The following DNAL1 variants were observed in gnomAD, a reference collection of about 807,000 sequenced individuals.
DNAL1 encodes chromosome 14 open reading frame 168.
A neutral mutation model predicts 29.4 loss-of-function variants in DNAL1; 17 were observed. The ratio of observed to expected loss-of-function variants is 0.58; its 90% confidence interval spans 0.40 to 0.87. DNAL1 has a LOEUF of 0.87. Ranked by LOEUF, DNAL1 falls within the 40% of genes least tolerant of loss-of-function variation. The pLI is 0.00. For missense variants in DNAL1, 188 were observed against 214.1 expected (o/e 0.88, Z 0.76); for synonymous variants, 78 against 76.3 (o/e 1.02, Z -0.12).
rs767561779 is a variant in DNAL1 at position 73,659,046 on chromosome 14, G to A, written c.152+90G>A. 32 of 936,598 alleles carry A rather than the reference G, an allele frequency of 3.4e-5. 1 individual carries two copies. The highest frequency in any genetic ancestry group is 4.7e-5 in the Non-Finnish European group (31 of 659,036). 58.0% of individuals were successfully genotyped at this position (936,598 alleles called of 1,614,324 possible). ...AAGTAGGAAAATATGTTTGTTTTCT[G>A]TGGTCTTCATTTATTTTTTGTTTGC... On this transcript the variant is annotated intron_variant, in intron 3 of 7. Coordinates refer to ENST00000553645, the MANE Select transcript of DNAL1 (RefSeq NM_031427.4).
chr14:73,691,384 T>C lies in DNAL1; in HGVS notation c.532+1869T>C, dbSNP rs1566892178. ...GGCCAACATGGTGAAATCCTGTCTC[T>C]AGTAAAAATACAAAATTAGCTGGAC... On this transcript the variant is annotated intron_variant, in intron 7 of 7. Coordinates refer to ENST00000553645, the MANE Select transcript of DNAL1 (RefSeq NM_031427.4). 2.6e-5 allele frequency among the ~76,000 whole-genome samples: 4 copies of C among 151,968 alleles called. No individual in the cohort carries two copies. In the South Asian group the frequency reaches 6.3e-4, roughly 24 times the overall value.
chr14:73,652,124 C>G (rs1403076593), intron 1 of DNAL1, among the ~76,000 whole-genome samples: 1 of 152,118 alleles, frequency 6.6e-6, no homozygotes, highest in Non-Finnish European at 1.5e-5. Context: ...CAGCCCTGAC[C>G]TCCCGGGCTC....
At position 73,697,402 on chromosome 14, in the gene DNAL1, A is replaced by T. The variant is rs1264222886; in HGVS notation, c.*1460A>T. ...TACATAGGAATTACTTGATTTTTCTAAGTTACTCTGATCAAAAGGGACCAC... is the reference window on the plus strand; with the variant it reads ...TACATAGGAATTACTTGATTTTTCTTAGTTACTCTGATCAAAAGGGACCAC... On this transcript the variant is annotated 3_prime_UTR_variant, in exon 8 of 8. Coordinates refer to ENST00000553645, the MANE Select transcript of DNAL1 (RefSeq NM_031427.4). 1 of 152,158 alleles carries T rather than the reference A, an allele frequency of 6.6e-6. No homozygotes were observed. Among genetic ancestry groups the T allele is most frequent in the Admixed American group, 6.5e-5 (1 of 15,268 alleles). The allele number at this position is 152,158 out of a possible 1,614,324, so 9.4% of individuals were successfully genotyped here.
At chr14:73,677,258 C>T (rs1473182178) in intron 5 of DNAL1, among the ~76,000 whole-genome samples, 1 of 152,058 alleles carries the variant, frequency 6.6e-6, no homozygotes, top group African/African-American at 2.4e-5. Flanking sequence ...GCATGAGCCA[C>T]CGCGCCCAGC....
rs1177679285 is a variant in DNAL1, at chr14:73,690,052, GA to G, written c.532+541del. Reference sequence around the variant, plus strand: ...AATTCCGTCTCAAAAAAAAAAAAAAGAAAAGAAAAGAAAGCTAGGCCTTATA... The same window carrying G: ...AATTCCGTCTCAAAAAAAAAAAAAAGAAAGAAAAGAAAGCTAGGCCTTATA... On this transcript the variant is annotated intron_variant, in intron 7 of 7. Coordinates refer to ENST00000553645, the MANE Select transcript of DNAL1 (RefSeq NM_031427.4). Among the ~76,000 whole-genome samples, 12 of 13,590 alleles carry G rather than the reference GA, an allele frequency of 8.8e-4. No homozygotes were observed. The South Asian group carries it at 0.012, about 14-fold the overall frequency. 8.9% of individuals were successfully genotyped at this position (13,590 alleles called of 152,430 possible). A position where few individuals can be genotyped will look rare whatever the true frequency, so the allele number is the denominator to read the frequency against.
chr14:73,662,544 T>C (rs956722071), intron 4 of DNAL1, among the ~76,000 whole-genome samples: 1 of 152,188 alleles, frequency 6.6e-6, no homozygotes, highest in African/African-American at 2.4e-5. Flanking sequence ...ATCAGTTTCA[T>C]CTGGTGAAAA....
At chr14:73,673,408 C>A (rs951598016) in intron 5 of DNAL1, among the ~76,000 whole-genome samples, 2 of 151,936 alleles carry the variant, frequency 1.3e-5, no homozygotes, top group East Asian at 3.9e-4. Flanking sequence ...TACCCAGAGA[C>A]CACAAATAAA....
chr14:73,682,869 A>ATTTTTTTT (rs57815202), intron 5 of DNAL1, among the ~76,000 whole-genome samples: 5 of 101,836 alleles, frequency 4.9e-5, no homozygotes, highest in Non-Finnish European at 7.5e-5. Context: ...TTTTATAGTT[A>ATTTTTTTT]TTTTTTTTTT....
chr14:73,682,466 G>A (rs1595220905), intron 5 of DNAL1, among the ~76,000 whole-genome samples: 1 of 151,132 alleles, frequency 6.6e-6, no homozygotes, highest in East Asian at 2.0e-4. Flanking sequence ...TGGGATTACA[G>A]GCATGAGCCA....
At chr14:73,645,133 T>G in intron 1 of DNAL1, 91 bp downstream of exon 1, 1 of 1,560,054 alleles carries the variant, frequency 6.4e-7, no homozygotes, top group Non-Finnish European at 8.7e-7. Flanking sequence ...TGGGGGTCCT[T>G]GAACAGCGGA....
chr14:73,648,469 C>T (rs555421932), intron 1 of DNAL1, among the ~76,000 whole-genome samples: 1 of 121,210 alleles, frequency 8.3e-6, no homozygotes, highest in South Asian at 2.7e-4. Flanking sequence ...TGCTCTGTTG[C>T]CTGGTCTGGA....
chr14:73,689,135 G>A (rs1892100488), intron 6 of DNAL1, among the ~76,000 whole-genome samples: 1 of 144,334 alleles, frequency 6.9e-6, no homozygotes, highest in Admixed American at 7.3e-5. Flanking sequence ...CCGGGTTCAA[G>A]CAGTTCTCCT....
At chr14:73,694,172 G>A (rs1001602643) in intron 7 of DNAL1, among the ~76,000 whole-genome samples, 18 of 151,550 alleles carry the variant, frequency 1.2e-4, no homozygotes, top group African/African-American at 4.1e-4. Context: ...TTGGGAGGCT[G>A]AGGCATGAAG....
intron 1 of DNAL1, among the ~76,000 whole-genome samples, chr14:73,649,781 C>G (rs997472513): frequency 6.6e-6 from 1 of 152,026 alleles, no homozygotes; most frequent in African/African-American, 2.4e-5. Context: ...ATGCAGTTCT[C>G]CCTTGGTATT....
intron 5 of DNAL1, among the ~76,000 whole-genome samples, chr14:73,673,508 C>T (rs566716359): frequency 6.6e-6 from 1 of 152,296 alleles, no homozygotes; most frequent in East Asian, 1.9e-4. Context: ...ACTTTTTATA[C>T]ACTCCTATCA....
chr14:73,650,773 G>A (rs529194450), intron 1 of DNAL1, among the ~76,000 whole-genome samples: 10 of 152,160 alleles, frequency 6.6e-5, no homozygotes, highest in African/African-American at 2.4e-4. Context: ...ACTGTGCCTG[G>A]CCAGGCAATT....
chr14:73,679,535 G>C (rs1891825927), intron 5 of DNAL1, among the ~76,000 whole-genome samples: 2 of 152,206 alleles, frequency 1.3e-5, no homozygotes, highest in Middle Eastern at 3.2e-3. Flanking sequence ...CAGAAGGAAA[G>C]GGGAGGCAGA....
At chr14:73,682,866 GTTATT>G in intron 5 of DNAL1, among the ~76,000 whole-genome samples, 1 of 113,870 alleles carries the variant, frequency 8.8e-6, no homozygotes, top group African/African-American at 3.7e-5. Flanking sequence ...CTGTTTTATA[GTTATT>G]TTTTTTTTTT....
chr14:73,661,615 G>C (rs1891360410), intron 3 of DNAL1, among the ~76,000 whole-genome samples: 1 of 151,788 alleles, frequency 6.6e-6, no homozygotes, highest in Admixed American at 6.6e-5. Flanking sequence ...CATGGTAGCA[G>C]GCACCTGTAA....
Sources: gnomAD v4.1 joint callset for allele counts (sites outside exome capture counted in the v4.1 genomes callset) on GRCh38, gnomAD v4.1.1 for gene constraint, MANE v1.5 for transcripts, NCBI Gene and HGNC (gene_info 2026-07-23, HGNC 2026-07-21) for gene names.